The following GRID2 variants were observed in gnomAD, a reference collection of about 807,000 sequenced individuals.
The protein encoded by GRID2 is glutamate ionotropic receptor delta type subunit 2.
Under a neutral mutation model 114.8 loss-of-function variants are expected in GRID2, and 33 were observed. That is an observed-to-expected ratio of 0.29 (90% CI 0.22 to 0.38). GRID2 has a LOEUF of 0.38. Among genes scored for constraint, GRID2 ranks in the 10% least tolerant of loss-of-function variants. The pLI, the probability that GRID2 is intolerant of heterozygous loss-of-function variation, is 1.00. For missense variants in GRID2, 1,184 were observed against 1,257.7 expected, an observed-to-expected ratio of 0.94 and a Z score of 0.89; for synonymous variants, 505 against 449.9, an observed-to-expected ratio of 1.12 and a Z score of -1.55.
intron 4 of GRID2, among the ~76,000 whole-genome samples, chr4:93,190,582 T>G (rs1740885168): frequency 6.6e-6 from 1 of 152,140 alleles, no homozygotes. Flanking sequence ...CTCAATAACA[T>G]TTTTTCCATT....
intron 2 of GRID2, among the ~76,000 whole-genome samples, chr4:92,881,837 TAGGTGTAGGATCATAAGCAATAC>T: frequency 6.6e-6 from 1 of 152,216 alleles, no homozygotes; most frequent in African/African-American, 2.4e-5. Flanking sequence ...GATATCCTAA[TAGGTGTAGGATCATAAGCAATAC>T]ACTTTTTAAA....
At chr4:92,609,149 C>T (rs1252877575) in intron 2 of GRID2, among the ~76,000 whole-genome samples, 2 of 151,738 alleles carry the variant, frequency 1.3e-5, no homozygotes, top group East Asian at 3.9e-4. Context: ...GCTTGAAATA[C>T]TTGTTTTTCC....
At chr4:93,749,489 C>G (rs534132000) in intron 14 of GRID2, among the ~76,000 whole-genome samples, 5 of 152,276 alleles carry the variant, frequency 3.3e-5, no homozygotes, top group Non-Finnish European at 5.9e-5. Context: ...CCCTTTTTCA[C>G]TCTTTGATTC....
chr4:92,872,693 A>C (rs995714427), intron 2 of GRID2, among the ~76,000 whole-genome samples: 1 of 152,206 alleles, frequency 6.6e-6, no homozygotes, highest in African/African-American at 2.4e-5. Context: ...TTTTATAGGA[A>C]ATTTGAACAG....
intron 2 of GRID2, among the ~76,000 whole-genome samples, chr4:92,847,759 AAAT>A (rs1743444273): frequency 6.6e-6 from 1 of 152,064 alleles, no homozygotes; most frequent in Admixed American, 6.6e-5. Flanking sequence ...GAATCAAATA[AAAT>A]AATCTGTTTC....
chr4:93,215,273 A>C (rs1333956385), intron 5 of GRID2, among the ~76,000 whole-genome samples: 1 of 152,080 alleles, frequency 6.6e-6, no homozygotes, highest in Non-Finnish European at 1.5e-5. Context: ...TGTTATGAGA[A>C]AAGTCATACA....
At chr4:93,021,761 A>C (rs1560802857) in intron 2 of GRID2, among the ~76,000 whole-genome samples, 2 of 145,990 alleles carry the variant, frequency 1.4e-5, no homozygotes, top group African/African-American at 4.9e-5. Context: ...TATAATATGA[A>C]TATTATAATA....
At chr4:93,559,423 T>C (rs975917401) in intron 13 of GRID2, among the ~76,000 whole-genome samples, 1 of 152,062 alleles carries the variant, frequency 6.6e-6, no homozygotes, top group Non-Finnish European at 1.5e-5. Flanking sequence ...GTAAAGGATA[T>C]GAACAGACAC....
intron 2 of GRID2, among the ~76,000 whole-genome samples, chr4:92,727,193 A>G (rs1736108779): frequency 6.6e-6 from 1 of 152,108 alleles, no homozygotes; most frequent in Non-Finnish European, 1.5e-5. Context: ...ATGTGAAGTC[A>G]TAGCCCTTTT....
chr4:92,647,628 T>C (rs1331011542), intron 2 of GRID2, among the ~76,000 whole-genome samples: 1 of 149,688 alleles, frequency 6.7e-6, no homozygotes, highest in Admixed American at 6.7e-5. Flanking sequence ...AGTTAAAAAT[T>C]TCTATAGCAT....
At chr4:93,153,579 A>G (rs1003559730) in intron 4 of GRID2, among the ~76,000 whole-genome samples, 4 of 152,122 alleles carry the variant, frequency 2.6e-5, no homozygotes, top group African/African-American at 9.6e-5. Context: ...CTATGAATGA[A>G]AGTGTCATAT....
At chr4:93,451,757 T>C (rs961107817) in intron 10 of GRID2, among the ~76,000 whole-genome samples, 1 of 152,036 alleles carries the variant, frequency 6.6e-6, no homozygotes, top group Non-Finnish European at 1.5e-5. Flanking sequence ...GATATTAGGA[T>C]GCTCAGGAGG....
chr4:92,756,898 A>G (rs1737744926), intron 2 of GRID2, among the ~76,000 whole-genome samples: 1 of 152,036 alleles, frequency 6.6e-6, no homozygotes, highest in Non-Finnish European at 1.5e-5. Flanking sequence ...TTCATTCAAC[A>G]GTTTGTCTCT....
intron 1 of GRID2, among the ~76,000 whole-genome samples, chr4:92,550,014 T>C (rs1726496469): frequency 6.6e-6 from 1 of 152,156 alleles, no homozygotes. Flanking sequence ...ATGCATAATT[T>C]TCAAATGGAA....
At chr4:92,551,766 G>C (rs1340551373) in intron 1 of GRID2, among the ~76,000 whole-genome samples, 1 of 152,146 alleles carries the variant, frequency 6.6e-6, no homozygotes, top group Admixed American at 6.6e-5. Context: ...GCATTGGTTG[G>C]AGAGGAAGCT....
intron 13 of GRID2, among the ~76,000 whole-genome samples, chr4:93,530,359 A>T (rs751969730): frequency 6.6e-6 from 1 of 152,154 alleles, no homozygotes; most frequent in Non-Finnish European, 1.5e-5. Context: ...TTACTCATTC[A>T]TTACTTAAAT....
chr4:92,676,163 C>A (rs1733352346), intron 2 of GRID2, among the ~76,000 whole-genome samples: 1 of 89,652 alleles, frequency 1.1e-5, no homozygotes, highest in Non-Finnish European at 2.5e-5. Context: ...CAAGCCCCCC[C>A]CCCCCCCTTT....
intron 2 of GRID2, among the ~76,000 whole-genome samples, chr4:92,639,775 G>GGTAC (rs1731255865): frequency 6.6e-6 from 1 of 151,406 alleles, no homozygotes; most frequent in Non-Finnish European, 1.5e-5. Flanking sequence ...ACCTTATAAA[G>GGTAC]TTATACAAAT....
At chr4:92,904,701 C>T (rs540827707) in intron 2 of GRID2, among the ~76,000 whole-genome samples, 1 of 151,902 alleles carries the variant, frequency 6.6e-6, no homozygotes, top group African/African-American at 2.4e-5. Flanking sequence ...AAGGGCCAAA[C>T]AAATTAAGAA....
Sources: gnomAD v4.1 joint callset for allele counts (sites outside exome capture counted in the v4.1 genomes callset) on GRCh38, gnomAD v4.1.1 for gene constraint, MANE v1.5 for transcripts, NCBI Gene and HGNC (gene_info 2026-07-23, HGNC 2026-07-21) for gene names.